The following DAB1 variants were observed in gnomAD, a reference collection of about 807,000 sequenced individuals.
The protein encoded by DAB1 is DAB adaptor protein 1.
A neutral mutation model predicts 64.6 loss-of-function variants in DAB1; 15 were observed. The observed-to-expected ratio is 0.23, with a 90% CI of 0.16 to 0.36. The LOEUF is 0.36. DAB1 is among the 10% of genes least tolerant of loss of function. DAB1 has a pLI of 1.00. For missense variants in DAB1, 596 were observed against 706.7 expected (o/e 0.84, Z 1.78); for synonymous variants, 235 against 251.9 (o/e 0.93, Z 0.64).
At chr1:58,477,163 A>G (rs77791738) in intron 3 of DAB1, among the ~76,000 whole-genome samples, 2,599 of 152,328 alleles carry the variant, frequency 0.017, 54 homozygotes, top group East Asian at 0.12. Context: ...CCCTACGAGT[A>G]AATGATGCCA....
At chr1:58,442,124 CGT>C (rs1645017467) in intron 3 of DAB1, among the ~76,000 whole-genome samples, 1 of 152,202 alleles carries the variant, frequency 6.6e-6, no homozygotes, top group East Asian at 1.9e-4. Context: ...TTATTGTGTG[CGT>C]GTGTGTGCAT....
At chr1:57,892,585 A>G (rs537806206) in intron 5 of DAB1, among the ~76,000 whole-genome samples, 64 of 152,186 alleles carry the variant, frequency 4.2e-4, no homozygotes, top group South Asian at 1.4e-3. Flanking sequence ...AACTCAGGCA[A>G]GTTGTCTCTG....
chr1:58,029,875 C>A (rs1646946225), intron 5 of DAB1, among the ~76,000 whole-genome samples: 1 of 151,978 alleles, frequency 6.6e-6, no homozygotes, highest in Non-Finnish European at 1.5e-5. Context: ...AAAGTGTAAT[C>A]TTAGTAAAAA....
chr1:57,567,892 A>C (rs1049939712), intron 7 of DAB1, among the ~76,000 whole-genome samples: 21 of 152,272 alleles, frequency 1.4e-4, no homozygotes, highest in East Asian at 9.6e-4. Flanking sequence ...ATCAAGCTAC[A>C]AATGACTTTC....
intron 4 of DAB1, among the ~76,000 whole-genome samples, chr1:58,244,529 A>AAG: frequency 6.6e-6 from 1 of 152,336 alleles, no homozygotes; most frequent in South Asian, 2.1e-4. Context: ...AAGCTTTTGC[A>AAG]AGTTCAAGCT....
intron 2 of DAB1, among the ~76,000 whole-genome samples, chr1:58,526,958 C>T (rs908886236): frequency 2.3e-4 from 35 of 151,998 alleles, no homozygotes; most frequent in African/African-American, 7.7e-4. Context: ...AATTTATACA[C>T]GCAAAAAATT....
At chr1:57,564,052 G>C (rs1360421564) in intron 7 of DAB1, among the ~76,000 whole-genome samples, 1 of 152,174 alleles carries the variant, frequency 6.6e-6, no homozygotes, top group African/African-American at 2.4e-5. Flanking sequence ...GGGGCAGACT[G>C]ACACCCACAT....
At chr1:58,081,932 T>C (rs1466146844) in intron 5 of DAB1, among the ~76,000 whole-genome samples, 1 of 152,178 alleles carries the variant, frequency 6.6e-6, no homozygotes, top group African/African-American at 2.4e-5. Flanking sequence ...GACATTGAAA[T>C]GGTAAAGCCA....
intron 2 of DAB1, among the ~76,000 whole-genome samples, chr1:57,171,707 C>T (rs766408933): frequency 9.2e-5 from 14 of 152,050 alleles, no homozygotes; most frequent in African/African-American, 1.4e-4. Flanking sequence ...CTATGTTCTC[C>T]GTAGAGGGTC....
intron 3 of DAB1, among the ~76,000 whole-genome samples, chr1:58,427,174 G>T (rs1186397545): frequency 6.6e-6 from 1 of 152,044 alleles, no homozygotes; most frequent in African/African-American, 2.4e-5. Context: ...GGTTATGCAA[G>T]TAAGGTGGTG....
intron 2 of DAB1, among the ~76,000 whole-genome samples, chr1:58,520,311 TA>T (rs1463838704): frequency 3.9e-5 from 6 of 152,074 alleles, no homozygotes; most frequent in African/African-American, 1.4e-4. Context: ...GCAAGACACA[TA>T]TCTGACAAAG....
chr1:57,278,260 G>T (rs1270708754), intron 2 of DAB1, among the ~76,000 whole-genome samples: 1 of 152,170 alleles, frequency 6.6e-6, no homozygotes, highest in Non-Finnish European at 1.5e-5. Flanking sequence ...TCTGTAAAAT[G>T]GGAGTATTAT....
chr1:58,008,449 A>T (rs908010877), intron 5 of DAB1, among the ~76,000 whole-genome samples: 1 of 152,154 alleles, frequency 6.6e-6, no homozygotes, highest in African/African-American at 2.4e-5. Context: ...GAGGCAGGTG[A>T]CCTAGGTTTT....
chr1:58,416,928 ATC>A (rs1207848002), intron 3 of DAB1, among the ~76,000 whole-genome samples: 1 of 152,248 alleles, frequency 6.6e-6, no homozygotes, highest in Non-Finnish European at 1.5e-5. Context: ...AATGTAAGGT[ATC>A]TCACTAATCA....
chr1:58,231,999 C>T (rs374992964), intron 4 of DAB1, among the ~76,000 whole-genome samples: 3 of 152,112 alleles, frequency 2.0e-5, no homozygotes, highest in African/African-American at 7.2e-5. Flanking sequence ...GTTTGTCTAA[C>T]TCTAAACCCA....
At chr1:57,239,851 A>G (rs1332818770) in intron 2 of DAB1, among the ~76,000 whole-genome samples, 1 of 152,192 alleles carries the variant, frequency 6.6e-6, no homozygotes, top group Non-Finnish European at 1.5e-5. Flanking sequence ...TCAAATAACT[A>G]ATTAATTTAT....
intron 3 of DAB1, among the ~76,000 whole-genome samples, chr1:58,368,646 C>T (rs1644237436): frequency 6.6e-6 from 1 of 152,164 alleles, no homozygotes; most frequent in Admixed American, 6.5e-5. Context: ...ACCTGGGCAG[C>T]AATGGGCCTG....
intron 2 of DAB1, among the ~76,000 whole-genome samples, chr1:57,171,689 C>G (rs1249369617): frequency 1.3e-5 from 2 of 152,250 alleles, no homozygotes; most frequent in East Asian, 3.9e-4. Context: ...GAAAACAGGA[C>G]AGCTCTTCTA....
chr1:57,493,762 G>GCACGCACACACACACACACACACACACA (rs1414667024), intron 7 of DAB1, among the ~76,000 whole-genome samples: 1 of 150,094 alleles, frequency 6.7e-6, no homozygotes, highest in African/African-American at 2.5e-5. Flanking sequence ...CGTATTCACA[G>GCACGCACACACACACACACACACACACA]CTCACACACA....
Sources: allele counts gnomAD v4.1 joint callset (sites outside exome capture counted in the v4.1 genomes callset), GRCh38; gene constraint gnomAD v4.1.1; transcripts MANE v1.5; gene names NCBI Gene and HGNC (gene_info 2026-07-23, HGNC 2026-07-21).